The following CEMIP variants were observed in gnomAD, a reference collection of about 807,000 sequenced individuals.
CEMIP encodes cell migration inducing hyaluronidase 1.
CEMIP carries 105 observed loss-of-function variants against 156.9 expected under a neutral mutation model. The observed-to-expected ratio is 0.67, with a 90% CI of 0.57 to 0.79. CEMIP has a LOEUF of 0.79. Ranked by LOEUF, CEMIP falls within the 30% of genes least tolerant of loss-of-function variation. The pLI is 0.00. For synonymous variants in CEMIP, 676 were observed against 668.4 expected (o/e 1.01, Z -0.17); for missense variants, 1,457 against 1,769.4 (o/e 0.82, Z 3.17).
At chr15:80,815,926 G>C (rs1435605388) in intron 1 of CEMIP, among the ~76,000 whole-genome samples, 1 of 152,086 alleles carries the variant, frequency 6.6e-6, no homozygotes, top group Non-Finnish European at 1.5e-5. Context: ...AACTTTCCTT[G>C]GCCGAGGAAA....
At chr15:80,805,613 T>C (rs1596101502) in intron 1 of CEMIP, among the ~76,000 whole-genome samples, 2 of 152,338 alleles carry the variant, frequency 1.3e-5, no homozygotes, top group Admixed American at 1.3e-4. Context: ...ATTAACTTTA[T>C]TATTATGTTA....
At position 80,881,005 on chromosome 15, in the gene CEMIP, A is replaced by G. The variant is rs1479263949; in HGVS notation, c.486A>G (p.Thr162=). The change falls in exon 6 of 30, where the codon ACA becomes ACG. Residue 162 remains threonine, a synonymous_variant. Transcript: ENST00000394685. ...ELHGQKKLSW[T]FLNKTLHPGG... ...ATGGACAGAAAAAGCTCTCCTGGAC[A>G]TTTCTGAACAAGACCCTTCACCCAG... 2 of 1,614,194 alleles carry G rather than the reference A, an allele frequency of 1.2e-6. No homozygotes were observed. Among genetic ancestry groups the G allele is most frequent in the South Asian group, 1.1e-5 (1 of 91,086 alleles).
At chr15:80,855,571 G>A (rs1393748264) in intron 1 of CEMIP, among the ~76,000 whole-genome samples, 3 of 151,444 alleles carry the variant, frequency 2.0e-5, no homozygotes, top group East Asian at 1.9e-4. Context: ...GCAGTGGCAC[G>A]ATCTCGGCTT....
intron 1 of CEMIP, among the ~76,000 whole-genome samples, chr15:80,866,960 A>C (rs1898146027): frequency 6.6e-6 from 1 of 152,086 alleles, no homozygotes; most frequent in South Asian, 2.1e-4. Context: ...AGAAGATGAC[A>C]TGTGTCCCAT....
In CEMIP at chr15:80,939,330, T is replaced by C. The variant is rs144855851; in HGVS notation, c.3407+1351T>C. 8.5e-5 allele frequency among the ~76,000 whole-genome samples: 13 copies of C among 152,288 alleles called. No individual in the cohort carries two copies. In the East Asian group the frequency reaches 2.5e-3, roughly 29 times the overall value. On this transcript the variant is annotated intron_variant, in intron 25 of 29. Coordinates refer to ENST00000394685, the MANE Select transcript of CEMIP (RefSeq NM_001293298.2). Reference sequence around the variant, plus strand: ...CAACCAATTATATGAGACACTCTCTTCCCATGGGAAGAAGTGGATGAGGGG... The same window carrying C: ...CAACCAATTATATGAGACACTCTCTCCCCATGGGAAGAAGTGGATGAGGGG...
chr15:80,930,653 T>C (rs927977456), intron 21 of CEMIP, among the ~76,000 whole-genome samples: 2 of 152,104 alleles, frequency 1.3e-5, no homozygotes, highest in South Asian at 2.1e-4. Flanking sequence ...CGTAAAAATA[T>C]AGAAATGCAA....
intron 14 of CEMIP, among the ~76,000 whole-genome samples, chr15:80,916,449 A>G (rs1431323380): frequency 6.6e-6 from 1 of 152,242 alleles, no homozygotes; most frequent in East Asian, 1.9e-4. Context: ...GACAAAGAGA[A>G]AAATACAATT....
intron 1 of CEMIP, among the ~76,000 whole-genome samples, chr15:80,795,805 G>A (rs1896209413): frequency 6.6e-6 from 1 of 152,028 alleles, no homozygotes; most frequent in Non-Finnish European, 1.5e-5. Flanking sequence ...TGGCTCACAT[G>A]TATAGTCCTG....
At chr15:80,888,878 A>C in intron 9 of CEMIP, 82 bp downstream of exon 9, 1 of 1,197,808 alleles carries the variant, frequency 8.3e-7, no homozygotes, top group South Asian at 1.2e-5. Flanking sequence ...ACTAGGATTT[A>C]TCTCTTATAC....
chr15:80,785,174 T>C (rs1895899204), intron 1 of CEMIP, among the ~76,000 whole-genome samples: 1 of 152,236 alleles, frequency 6.6e-6, no homozygotes, highest in African/African-American at 2.4e-5. Flanking sequence ...GGCATTTGAA[T>C]GTAATTTTGG....
At chr15:80,865,378 C>T (rs541738940) in intron 1 of CEMIP, among the ~76,000 whole-genome samples, 1 of 152,126 alleles carries the variant, frequency 6.6e-6, no homozygotes, top group Admixed American at 6.5e-5. Context: ...GACGGAGTTT[C>T]ACCATGCTGG....
At chr15:80,829,963 C>G (rs78087839) in intron 1 of CEMIP, among the ~76,000 whole-genome samples, 46 of 84,588 alleles carry the variant, frequency 5.4e-4, no homozygotes, top group African/African-American at 1.9e-3. Flanking sequence ...AGGGAGGTAG[C>G]GGGTGTGTGT....
intron 1 of CEMIP, among the ~76,000 whole-genome samples, chr15:80,799,931 C>T (rs1207043901): frequency 6.6e-6 from 1 of 152,040 alleles, no homozygotes; most frequent in Non-Finnish European, 1.5e-5. Flanking sequence ...TCACTGTAGC[C>T]TCGAACTCCT....
In CEMIP at chr15:80,928,868, C is replaced by T. The variant is rs185484410; in HGVS notation, c.2421-34C>T. ...GACTCCACTGAATGTGAAGCCAGGG[C>T]ATGCTCTGACTATCTATCTGCTCTT... On this transcript the variant is annotated intron_variant, in intron 19 of 29. Coordinates refer to ENST00000394685, the MANE Select transcript of CEMIP (RefSeq NM_001293298.2). The T allele has an allele frequency of 8.7e-6, 14 of 1,612,870 alleles. No individual in the cohort carries two copies. In the East Asian group the frequency reaches 2.0e-4, roughly 23 times the overall value.
intron 1 of CEMIP, among the ~76,000 whole-genome samples, chr15:80,839,569 A>G (rs954599955): frequency 6.6e-6 from 1 of 152,142 alleles, no homozygotes; most frequent in African/African-American, 2.4e-5. Flanking sequence ...GCCTTCAGCA[A>G]CGGGGCCCTG....
intron 28 of CEMIP, 127 bp downstream of exon 28, chr15:80,943,229 C>T: frequency 9.8e-7 from 1 of 1,016,912 alleles, no homozygotes; most frequent in Non-Finnish European, 1.6e-6. Flanking sequence ...TCTCCACAGC[C>T]TGCCCACAAA....
intron 3 of CEMIP, among the ~76,000 whole-genome samples, chr15:80,876,645 T>G (rs561450892): frequency 1.3e-5 from 2 of 152,342 alleles, no homozygotes; most frequent in South Asian, 2.1e-4. Flanking sequence ...AAGCGGACAC[T>G]AAGTGCCTGC....
At chr15:80,943,516 T>C (rs138516555) in intron 28 of CEMIP, among the ~76,000 whole-genome samples, 452 of 152,302 alleles carry the variant, frequency 3.0e-3, no homozygotes, top group Admixed American at 5.5e-3. Flanking sequence ...CTGGACATCT[T>C]GTATGGAACT....
chr15:80,825,527 T>C (rs924226994), intron 1 of CEMIP, among the ~76,000 whole-genome samples: 3 of 152,158 alleles, frequency 2.0e-5, no homozygotes, highest in Non-Finnish European at 4.4e-5. Flanking sequence ...GGCTAGAAAG[T>C]CCTCTGTCTG....
Sources: gnomAD v4.1 joint callset for allele counts (sites outside exome capture counted in the v4.1 genomes callset) on GRCh38, gnomAD v4.1.1 for gene constraint, MANE v1.5 for transcripts, NCBI Gene and HGNC (gene_info 2026-07-23, HGNC 2026-07-21) for gene names.